Variants in CLASP2 observed in about 807,000 individuals in gnomAD.
The protein encoded by CLASP2 is CLIP-associating protein 2.
A neutral mutation model predicts 194.4 loss-of-function variants in CLASP2; 47 were observed. The ratio of observed to expected loss-of-function variants is 0.24; its 90% confidence interval spans 0.19 to 0.31. CLASP2 has a LOEUF of 0.31. Ranked by LOEUF, CLASP2 falls within the 10% of genes least tolerant of loss-of-function variation. CLASP2 has a pLI of 1.00. For synonymous variants in CLASP2, 619 were observed against 633.5 expected (o/e 0.98, Z 0.34); for missense variants, 1,445 against 1,823.6 (o/e 0.79, Z 3.78).
At chr3:33,584,282 G>GTTT (rs35355235) in intron 22 of CLASP2, among the ~76,000 whole-genome samples, 3 of 132,614 alleles carry the variant, frequency 2.3e-5, no homozygotes, top group Non-Finnish European at 3.2e-5. Context: ...TTTGTTTTGG[G>GTTT]TTTTTTTTTT....
At chr3:33,662,208 G>A (rs552097816) in intron 7 of CLASP2, among the ~76,000 whole-genome samples, 109 of 152,208 alleles carry the variant, frequency 7.2e-4, no homozygotes, top group African/African-American at 2.5e-3. Context: ...CAGTGCTTTC[G>A]AAATAAACCA....
chr3:33,660,407 A>C (rs1373074910), intron 7 of CLASP2, among the ~76,000 whole-genome samples: 1 of 152,238 alleles, frequency 6.6e-6, no homozygotes, highest in Non-Finnish European at 1.5e-5. Context: ...AGTTGAGTTC[A>C]AAAAACCATC....
chr3:33,583,289 T>C (rs988501972), intron 22 of CLASP2, among the ~76,000 whole-genome samples: 1 of 152,224 alleles, frequency 6.6e-6, no homozygotes, highest in Non-Finnish European at 1.5e-5. Flanking sequence ...ACTTTCTATA[T>C]ACACAGCAAA....
At chr3:33,581,015 C>CAAAAAAAAAAAAAAAAAAAA (rs34304858) in intron 23 of CLASP2, among the ~76,000 whole-genome samples, 14 of 57,560 alleles carry the variant, frequency 2.4e-4, no homozygotes, top group African/African-American at 4.6e-4. Context: ...GACTCCGTCT[C>CAAAAAAAAAAAAAAAAAAAA]AAAAAAAAAA....
chr3:33,659,535 A>G (rs553764342), intron 7 of CLASP2: 2 of 396,408 alleles, frequency 5.0e-6, no homozygotes, highest in Non-Finnish European at 6.9e-6. Flanking sequence ...GAAGATTGCT[A>G]GAAGTGCATA....
chr3:33,705,239 C>T (rs926689840), intron 1 of CLASP2, among the ~76,000 whole-genome samples: 1 of 152,160 alleles, frequency 6.6e-6, no homozygotes, highest in African/African-American at 2.4e-5. Context: ...CTGATACATG[C>T]TATAACATAG....
In CLASP2 at chr3:33,583,160, T is replaced by C. The variant is rs2066539682; in HGVS notation, c.2240-1232A>G. Among the ~76,000 whole-genome samples the C allele has an allele frequency of 1.3e-5, 2 of 152,288 alleles. 1 individual carries two copies. The highest frequency in any genetic ancestry group is 2.9e-5 in the Non-Finnish European group (2 of 68,022). On this transcript the variant is annotated intron_variant, in intron 22 of 38. Transcript: ENST00000682230. ...GCTGAGCAAGAGGCCTAGATGCAAC[T>C]AATCCAGAGAGAACTGAAAAGAAAG...
At chr3:33,596,328 T>C (rs1273723399) in intron 19 of CLASP2, among the ~76,000 whole-genome samples, 1 of 152,178 alleles carries the variant, frequency 6.6e-6, no homozygotes, top group Non-Finnish European at 1.5e-5. Context: ...ATATGTCATT[T>C]GTCATATCAC....
At chr3:33,531,753 C>T (rs564930072) in intron 34 of CLASP2, among the ~76,000 whole-genome samples, 5 of 152,224 alleles carry the variant, frequency 3.3e-5, no homozygotes, top group East Asian at 1.9e-4. Flanking sequence ...CCAGCCTAGA[C>T]GACAAGAGCG....
intron 7 of CLASP2, among the ~76,000 whole-genome samples, chr3:33,648,746 T>C (rs752562247): frequency 4.6e-5 from 7 of 152,214 alleles, no homozygotes; most frequent in Non-Finnish European, 7.3e-5. Flanking sequence ...ATTTTCTTCC[T>C]AGCAGCTATC....
chr3:33,628,021 G>A (rs927042466), intron 9 of CLASP2, among the ~76,000 whole-genome samples: 2 of 152,152 alleles, frequency 1.3e-5, no homozygotes, highest in African/African-American at 4.8e-5. Flanking sequence ...GACCATGGAA[G>A]GAGACAATGC....
chr3:33,499,906 A>T (rs921116112), intron 38 of CLASP2, among the ~76,000 whole-genome samples: 2 of 152,204 alleles, frequency 1.3e-5, no homozygotes, highest in Non-Finnish European at 2.9e-5. Context: ...TACAGGACCT[A>T]AGATCTTAGA....
intron 11 of CLASP2, among the ~76,000 whole-genome samples, chr3:33,620,997 T>TG (rs2077011916): frequency 4.2e-5 from 6 of 142,554 alleles, no homozygotes; most frequent in African/African-American, 1.3e-4. Context: ...CTGTAGCTCT[T>TG]TGTGTGTGTG....
At chr3:33,660,303 G>C (rs947935872) in intron 7 of CLASP2, among the ~76,000 whole-genome samples, 3 of 152,066 alleles carry the variant, frequency 2.0e-5, no homozygotes, top group African/African-American at 7.2e-5. Context: ...TTCTAGTCAC[G>C]ATCTGACAGA....
chr3:33,542,991 T>G (rs1242622057), intron 32 of CLASP2, among the ~76,000 whole-genome samples: 1 of 152,224 alleles, frequency 6.6e-6, no homozygotes, highest in Admixed American at 6.5e-5. Flanking sequence ...AAATAAAATT[T>G]TTTTCATTTG....
At chr3:33,707,068 C>T (rs1292619084) in intron 1 of CLASP2, among the ~76,000 whole-genome samples, 2 of 152,202 alleles carry the variant, frequency 1.3e-5, no homozygotes, top group Non-Finnish European at 2.9e-5. Context: ...ACCACTAGCA[C>T]CACATTGCAG....
chr3:33,673,187 A>G (rs1005853051), intron 6 of CLASP2, among the ~76,000 whole-genome samples: 8 of 152,226 alleles, frequency 5.3e-5, no homozygotes, highest in Admixed American at 5.2e-4. Context: ...AAGGGCAGCC[A>G]GAGAGAAAGG....
At chr3:33,706,824 G>T (rs2092709017) in intron 1 of CLASP2, among the ~76,000 whole-genome samples, 2 of 151,888 alleles carry the variant, frequency 1.3e-5, no homozygotes, top group African/African-American at 4.8e-5. Flanking sequence ...AGTTAGTTGG[G>T]CATGGTGGTG....
chr3:33,582,810 T>C (rs2066451534), intron 22 of CLASP2, among the ~76,000 whole-genome samples: 1 of 152,146 alleles, frequency 6.6e-6, no homozygotes, highest in Non-Finnish European at 1.5e-5. Flanking sequence ...GTAGAGAATT[T>C]AAAATAATGT....
Sources: allele counts gnomAD v4.1 joint callset (sites outside exome capture counted in the v4.1 genomes callset), GRCh38; gene constraint gnomAD v4.1.1; transcripts MANE v1.5; gene names NCBI Gene and HGNC (gene_info 2026-07-23, HGNC 2026-07-21).